Variants in VWF observed in about 807,000 individuals in gnomAD.
The protein encoded by VWF is von Willebrand factor.
VWF carries 176 observed loss-of-function variants against 308.6 expected under a neutral mutation model. That is an observed-to-expected ratio of 0.57 (90% CI 0.50 to 0.65). The LOEUF is 0.65. Among genes scored for constraint, VWF ranks in the 30% least tolerant of loss-of-function variants. VWF has a pLI of 0.00. For missense variants in VWF, 3,146 were observed against 3,648.2 expected (o/e 0.86, Z 3.55); for synonymous variants, 1,385 against 1,443.4 (o/e 0.96, Z 0.92).
At chr12:6,122,818 C>G (rs778262902) in intron 2 of VWF, 8 of 618,416 alleles carry the variant, frequency 1.3e-5, no homozygotes, top group South Asian at 1.1e-4. Flanking sequence ...AACAAGGTGA[C>G]CTCCACAATC....
chr12:6,013,268 A>G (rs1425955370), intron 32 of VWF, among the ~76,000 whole-genome samples: 1 of 152,202 alleles, frequency 6.6e-6, no homozygotes, highest in Non-Finnish European at 1.5e-5. Context: ...AGGACCATAC[A>G]CAGAAAGCTT....
intron 5 of VWF, among the ~76,000 whole-genome samples, chr12:6,104,607 GA>G (rs1248154486): frequency 1.3e-5 from 2 of 152,038 alleles, no homozygotes; most frequent in Non-Finnish European, 2.9e-5. Context: ...TGAGGCAGGA[GA>G]ATTGCTTGAA....
chr12:5,984,136 C>G (rs1378115116), intron 40 of VWF, among the ~76,000 whole-genome samples: 1 of 152,176 alleles, frequency 6.6e-6, no homozygotes. Context: ...CCTGTTTCTT[C>G]TTCTGGAAGG....
Position 5,981,938 on chromosome 12 carries a change from G to A in VWF, c.7135C>T (p.Arg2379Cys), listed in dbSNP as rs61751283. The change falls in exon 42 of 52, where the codon CGT becomes TGT. Residue 2379 changes from arginine (R) to cysteine (C), a missense_variant. By Grantham distance (180) the Arg-to-Cys change is radical. Coordinates refer to ENST00000261405, the MANE Select transcript of VWF (RefSeq NM_000552.5). ...TGGGTCTTCCGAAGGGTGGGCAAACGGTGCGGGGGGCAGGAGGGTGGGGAC... is the reference window on the plus strand; with the variant it reads ...TGGGTCTTCCGAAGGGTGGGCAAACAGTGCGGGGGGCAGGAGGGTGGGGAC... Reference protein sequence around the residue: ...RVSPPSCPPHRLPTLRKTQCC... With the variant: ...RVSPPSCPPHCLPTLRKTQCC... 7.4e-5 allele frequency: 120 copies of A among 1,613,478 alleles called. No individual in the cohort carries two copies. Among genetic ancestry groups the A allele is most frequent in the African/African-American group, 1.5e-4 (11 of 74,746 alleles).
At chr12:6,089,994 G>C (rs1397078759) in intron 6 of VWF, among the ~76,000 whole-genome samples, 1 of 151,878 alleles carries the variant, frequency 6.6e-6, no homozygotes, top group South Asian at 2.1e-4. Context: ...GTCTCGCTGT[G>C]TCACCCAGGC....
At chr12:6,028,452 T>C (rs1198434447) in intron 22 of VWF, among the ~76,000 whole-genome samples, 4 of 152,002 alleles carry the variant, frequency 2.6e-5, no homozygotes, top group East Asian at 1.9e-4. Flanking sequence ...CCAAGACACA[T>C]AATTGTCAGA....
intron 16 of VWF, among the ~76,000 whole-genome samples, chr12:6,051,136 G>C (rs1944504816): frequency 6.6e-6 from 1 of 152,032 alleles, no homozygotes; most frequent in Non-Finnish European, 1.5e-5. Context: ...AACTATTCCA[G>C]CCACACAGCA....
At chr12:5,958,072 C>T (rs1009756763) in intron 47 of VWF, among the ~76,000 whole-genome samples, 1 of 150,650 alleles carries the variant, frequency 6.6e-6, no homozygotes, top group African/African-American at 2.4e-5. Flanking sequence ...TGAAGAAATA[C>T]AGTGAAAAGG....
chr12:5,985,224 C>G, intron 39 of VWF, 105 bp from the exon 40 acceptor site: 1 of 1,196,956 alleles, frequency 8.4e-7, no homozygotes, highest in Non-Finnish European at 1.2e-6. Flanking sequence ...GAGTTCTGTA[C>G]GGTCATCCCA....
At chr12:6,064,170 G>A in intron 12 of VWF, 76 bp downstream of exon 12, 1 of 1,609,608 alleles carries the variant, frequency 6.2e-7, no homozygotes, top group Admixed American at 1.7e-5. Context: ...TAAGGACAGT[G>A]GCCAGGGTTG....
chr12:5,994,102 C>T lies in VWF; in HGVS notation c.6358G>A (p.Gly2120Arg), dbSNP rs1437238974. The T allele has an allele frequency of 2.5e-6, 4 of 1,614,092 alleles. No homozygotes were observed. In the East Asian group the frequency reaches 8.9e-5, roughly 36 times the overall value. ...TCCAGGATGGGCTGGCACGTCTGCC[C>T]TGGCCGCTGCACAGTCCATTCCTGA... ...LVQEWTVQRP[G>R]QTCQPILEEQ... Residue 2120 changes from glycine (G) to arginine (R), a missense_variant, in exon 37 of 52, where the codon GGG (glycine) becomes AGG (arginine). Transcript: ENST00000261405.
At chr12:6,088,340 G>A (rs763245508) in intron 6 of VWF, among the ~76,000 whole-genome samples, 9 of 152,204 alleles carry the variant, frequency 5.9e-5, no homozygotes, top group Non-Finnish European at 1.3e-4. Flanking sequence ...TTAACTGGGC[G>A]TGGTGACAGG....
chr12:6,032,404 C>T (rs1371184862), intron 20 of VWF, among the ~76,000 whole-genome samples: 1 of 151,566 alleles, frequency 6.6e-6, no homozygotes, highest in African/African-American at 2.4e-5. Context: ...CTTTGGGAGG[C>T]TGAGGCGGGC....
At chr12:6,015,922 C>T (rs1489078256) in intron 31 of VWF, among the ~76,000 whole-genome samples, 167 bp downstream of exon 31, 1 of 152,228 alleles carries the variant, frequency 6.6e-6, no homozygotes, top group Non-Finnish European at 1.5e-5. Flanking sequence ...TTCCTAATCA[C>T]ATCGTGGTTG....
At position 6,026,049 on chromosome 12, in the gene VWF, T is replaced by G; in HGVS notation, c.2968-3A>C. The G allele has an allele frequency of 6.2e-7, 1 of 1,613,868 alleles. No individual in the cohort carries two copies. Among genetic ancestry groups the G allele is most frequent in the Non-Finnish European group, 8.5e-7 (1 of 1,179,852 alleles). ...CCACACAGGCCACACACTTTCTCCT[T>G]GAGAGACAAGTTGAGGGATGAGCAC... is the stretch of plus-strand genomic sequence containing the variant. On this transcript the variant is annotated splice_polypyrimidine_tract_variant and splice_region_variant and intron_variant, in intron 22 of 51. Transcript: ENST00000261405.
intron 10 of VWF, among the ~76,000 whole-genome samples, chr12:6,068,515 C>T (rs954140675): frequency 1.4e-4 from 21 of 151,932 alleles, no homozygotes; most frequent in African/African-American, 2.4e-4. Context: ...TGTTGCCCGG[C>T]GTGGAGTGCA....
intron 6 of VWF, among the ~76,000 whole-genome samples, chr12:6,088,913 C>T (rs989732312): frequency 2.1e-4 from 32 of 152,174 alleles, no homozygotes; most frequent in Non-Finnish European, 4.6e-4. Flanking sequence ...ACATTCATTC[C>T]CTAGGTATAA....
rs141087261 is a variant in VWF at position 6,029,409 on chromosome 12, C to A, written c.2900G>T (p.Gly967Val). The A allele has an allele frequency of 3.1e-6, 5 of 1,614,132 alleles. No individual in the cohort carries two copies. The highest frequency in any genetic ancestry group is 1.7e-5 in the Admixed American group (1 of 60,028). Residue 967 changes from glycine to valine, a missense_variant, in exon 22 of 52, where the codon GGC (glycine) becomes GTC (valine). Physicochemically the swap from Gly to Val is moderately radical, Grantham distance 109. This residue lies in a region of VWF where 1,304 missense variants were observed against 1,353.0 expected (regional missense o/e 0.96). Transcript: ENST00000261405. ...ESGRYIILLL[G>V]KALSVVWDRH... ...GTCCCAGACCACGGAGAGGGCTTTGCCCAGCAGCAGAATGATGTACCGGCC... is the reference window on the plus strand; with the variant it reads ...GTCCCAGACCACGGAGAGGGCTTTGACCAGCAGCAGAATGATGTACCGGCC...
intron 6 of VWF, among the ~76,000 whole-genome samples, chr12:6,079,468 G>C (rs1042676734): frequency 5.9e-5 from 9 of 152,146 alleles, no homozygotes; most frequent in African/African-American, 2.2e-4. Flanking sequence ...AAATTAGCCG[G>C]GCATGGTGGC....
Sources: gnomAD v4.1 joint callset for allele counts (sites outside exome capture counted in the v4.1 genomes callset) on GRCh38, gnomAD v4.1.1 for gene constraint, gnomAD v4.1.1 regional missense constraint, MANE v1.5 for transcripts, NCBI Gene and HGNC (gene_info 2026-07-23, HGNC 2026-07-21) for gene names.